The following ADAM21 variants were observed in gnomAD, a reference collection of about 807,000 sequenced individuals.
The protein encoded by ADAM21 is disintegrin and metalloproteinase domain-containing protein 21.
For missense variants in ADAM21, 678 were observed against 874.4 expected (o/e 0.78, Z 2.83); for synonymous variants, 262 against 306.0 (o/e 0.86, Z 1.50).
chr14:70,457,335 A>AT lies in ADAM21; in HGVS notation c.-151-9dup. On this transcript the variant is annotated splice_polypyrimidine_tract_variant and intron_variant, in intron 1 of 1. Coordinates refer to ENST00000603540, the MANE Select transcript of ADAM21 (RefSeq NM_003813.4). ...TATCACCTTTCCAACCCATCTTTTT[A>AT]TTTTTACTTCCAGCACTGCAGTTCT... 9.8e-7 allele frequency: 1 copy of AT among 1,016,666 alleles called. No individual in the cohort carries two copies. The highest frequency in any genetic ancestry group is 1.4e-6 in the Non-Finnish European group (1 of 700,106). The allele number at this position is 1,016,666 out of a possible 1,614,324, so 63.0% of individuals were successfully genotyped here. A position where few individuals can be genotyped will look rare whatever the true frequency, so the allele number is the denominator to read the frequency against.
chr14:70,458,772 G>A lies in ADAM21; in HGVS notation c.1273G>A (p.Val425Ile), dbSNP rs148516219. The A allele has an allele frequency of 1.9e-5, 31 of 1,614,164 alleles. No homozygotes were observed. The highest frequency in any genetic ancestry group is 8.0e-5 in the African/African-American group (6 of 75,032). The change falls in exon 2 of 2, where the codon GTA becomes ATA. Residue 425 changes from valine to isoleucine, a missense_variant. Transcript: ENST00000603540. ...AGAAGAGCAGTGTGACTGTGGATCC[G>A]TACAGCAGTGTGAACAAGACGCCTG... ...EREEQCDCGS[V>I]QQCEQDACCL...
chr14:70,454,970 G>A (rs1454648281), intron 1 of ADAM21, among the ~76,000 whole-genome samples: 5 of 152,210 alleles, frequency 3.3e-5, no homozygotes, highest in African/African-American at 7.2e-5. Flanking sequence ...TCTGGTCCTT[G>A]TGGTGCATGT....
rs371729262 is a variant in ADAM21, at chr14:70,457,619, G to A, written c.120G>A (p.Pro40=). 7.6e-5 allele frequency: 123 copies of A among 1,613,784 alleles called. No individual in the cohort carries two copies. The highest frequency in any genetic ancestry group is 9.9e-5 in the Non-Finnish European group (117 of 1,179,940). ...QAGPSQHFTS[P]EVVIPLKVIS... is the part of the protein sequence containing the mutation. ...GGCCCTCCCAGCATTTCACTTCCCC[G>A]GAAGTGGTGATCCCCTTGAAGGTGA... The change falls in exon 2 of 2, where the codon CCG becomes CCA. Residue 40 remains proline, a synonymous_variant. Transcript: ENST00000603540.
Position 70,459,450 on chromosome 14 carries a change from T to C in ADAM21, c.1951T>C (p.Cys651Arg). ...MKGICNNKHH[C>R]HCGYGWSPPY... Reference sequence around the variant, plus strand: ...GGGGATCTGCAATAACAAACATCACTGCCACTGTGGCTATGGGTGGTCCCC... The same window carrying C: ...GGGGATCTGCAATAACAAACATCACCGCCACTGTGGCTATGGGTGGTCCCC... The change falls in exon 2 of 2, where the codon TGC becomes CGC. Residue 651 changes from cysteine (C) to arginine (R), a missense_variant. By Grantham distance (180) the Cys-to-Arg change is radical. Coordinates refer to ENST00000603540, the MANE Select transcript of ADAM21 (RefSeq NM_003813.4). 1.9e-6 allele frequency: 3 copies of C among 1,614,236 alleles called. No homozygotes were observed. Among genetic ancestry groups the C allele is most frequent in the Middle Eastern group, 3.3e-4 (2 of 6,060 alleles).
rs1353028374 is a variant in ADAM21, at chr14:70,459,020, T to G, written c.1521T>G (p.Cys507Trp). The G allele has an allele frequency of 6.2e-7, 1 of 1,614,028 alleles. No individual in the cohort carries two copies. Among genetic ancestry groups the G allele is most frequent in the Non-Finnish European group, 8.5e-7 (1 of 1,180,008 alleles). ...GTGCCTACTGCTATCAAAAGAGGTG[T>G]AATAACCATGACCAGCATTGCAGGG... The part of the protein sequence containing the change: ...SDSAYCYQKR[C>W]NNHDQHCREI... Residue 507 changes from cysteine (C) to tryptophan (W), a missense_variant, in exon 2 of 2, where the codon TGT becomes TGG. Physicochemically the swap from Cys to Trp is radical, Grantham distance 215. Coordinates refer to ENST00000603540, the MANE Select transcript of ADAM21 (RefSeq NM_003813.4).
rs201084163 is a variant in ADAM21 at position 70,457,902 on chromosome 14, G to A, written c.403G>A (p.Val135Ile). Residue 135 changes from valine to isoleucine, a missense_variant, in exon 2 of 2, where the codon GTA (valine) becomes ATA (isoleucine). Val to Ile is a conservative substitution (Grantham distance 29). Transcript: ENST00000603540. ...TGCTTGTTTTGGGGGCTTTCGAGGAGTATTAAAAATAAGTGGCCTCACTTA... is the reference window on the plus strand; with the variant it reads ...TGCTTGTTTTGGGGGCTTTCGAGGAATATTAAAAATAAGTGGCCTCACTTA... Reference protein sequence around the residue: ...FSACFGGFRGVLKISGLTYEI... With the variant: ...FSACFGGFRGILKISGLTYEI... The A allele has an allele frequency of 1.9e-6, 3 of 1,614,062 alleles. No homozygotes were observed. Among genetic ancestry groups the A allele is most frequent in the Admixed American group, 1.7e-5 (1 of 60,016 alleles).
rs114962922 is a variant in ADAM21, at chr14:70,454,934, T to C, written c.-151-2415T>C. 3.9e-3 allele frequency among the ~76,000 whole-genome samples: 601 copies of C among 152,308 alleles called. 2 individuals carry two copies. Among genetic ancestry groups the C allele is most frequent in the African/African-American group, 0.013 (553 of 41,576 alleles). On this transcript the variant is annotated intron_variant, in intron 1 of 1. Transcript: ENST00000603540. ...TGCAGGATAAATGATTTGGTGTTCATGTTGTGGGCTGTGGAGAACAGGAAC... is the reference window on the plus strand; with the variant it reads ...TGCAGGATAAATGATTTGGTGTTCACGTTGTGGGCTGTGGAGAACAGGAAC...
intron 1 of ADAM21, among the ~76,000 whole-genome samples, chr14:70,454,911 C>T (rs1460930259): frequency 1.3e-5 from 2 of 152,100 alleles, no homozygotes; most frequent in Non-Finnish European, 2.9e-5. Flanking sequence ...TCAGATATTG[C>T]AGGATAAATG....
Position 70,457,935 on chromosome 14 carries a change from G to A in ADAM21, c.436G>A (p.Glu146Lys). Residue 146 changes from glutamate (E) to lysine (K), a missense_variant, in exon 2 of 2, where the codon GAA becomes AAA. By Grantham distance (56) the Glu-to-Lys change is moderately conservative. Transcript: ENST00000603540. The stretch of plus-strand genomic sequence containing the variant: ...AATAAGTGGCCTCACTTATGAAATT[G>A]AACCCATCAGGCACTCTGCCACATT... ...LKISGLTYEI[E>K]PIRHSATFEH... 1 of 1,614,034 alleles carries A rather than the reference G, an allele frequency of 6.2e-7. No individual in the cohort carries two copies.
intron 1 of ADAM21, among the ~76,000 whole-genome samples, chr14:70,454,222 T>C (rs189995105): frequency 1.3e-5 from 2 of 152,314 alleles, no homozygotes; most frequent in African/African-American, 4.8e-5. Context: ...CTCTATTCCT[T>C]AGGCTGGGGA....
rs371868534 is a variant in ADAM21 at position 70,458,330 on chromosome 14, C to T, written c.831C>T (p.Asn277=). The T allele has an allele frequency of 1.7e-5, 27 of 1,613,984 alleles. No homozygotes were observed. Among genetic ancestry groups the T allele is most frequent in the Admixed American group, 3.3e-5 (2 of 60,008 alleles). The change falls in exon 2 of 2, where the codon AAC becomes AAT. Residue 277 remains asparagine, a synonymous_variant. Coordinates refer to ENST00000603540, the MANE Select transcript of ADAM21 (RefSeq NM_003813.4). ...FPMTSIEQVL[N]DFSQWKQISL... is the part of the protein sequence containing the mutation. ...TGACAAGCATAGAACAGGTCCTGAACGATTTCTCTCAATGGAAACAAATCA... is the reference window on the plus strand; with the variant it reads ...TGACAAGCATAGAACAGGTCCTGAATGATTTCTCTCAATGGAAACAAATCA...
rs1398089903 is a variant in ADAM21, at chr14:70,458,326, T to G, written c.827T>G (p.Leu276Arg). Residue 276 changes from leucine (L) to arginine (R), a missense_variant, in exon 2 of 2, where the codon CTG becomes CGG. Leu to Arg is a moderately radical substitution (Grantham distance 102, BLOSUM62 -2). Transcript: ENST00000603540. ...CCAATGACAAGCATAGAACAGGTCC[T>G]GAACGATTTCTCTCAATGGAAACAA... ...VFPMTSIEQV[L>R]NDFSQWKQIS... The G allele has an allele frequency of 1.9e-6, 3 of 1,614,050 alleles. No homozygotes were observed. The East Asian group carries it at 6.7e-5, about 36-fold the overall frequency.
At chr14:70,454,996 A>G (rs1889085897) in intron 1 of ADAM21, among the ~76,000 whole-genome samples, 1 of 152,128 alleles carries the variant, frequency 6.6e-6, no homozygotes, top group African/African-American at 2.4e-5. Context: ...CTGAGGATGG[A>G]GTTTCTCAAG....
chr14:70,458,533 A>G lies in ADAM21; in HGVS notation c.1034A>G (p.His345Arg), dbSNP rs764033725. The stretch of plus-strand genomic sequence containing the variant: ...AACACTGTGGCCCATGAGTTAGGTC[A>G]TACGTTAGGTATGCAGCATGATGAA... ...FANTVAHELGHTLGMQHDEEF... is the reference protein window; with the variant it reads ...FANTVAHELGRTLGMQHDEEF... The change falls in exon 2 of 2, where the codon CAT becomes CGT. Residue 345 changes from histidine to arginine, a missense_variant. Transcript: ENST00000603540. The G allele has an allele frequency of 1.2e-6, 2 of 1,611,750 alleles. No individual in the cohort carries two copies. The highest frequency in any genetic ancestry group is 1.7e-6 in the Non-Finnish European group (2 of 1,178,434).
At position 70,458,773 on chromosome 14, in the gene ADAM21, T is replaced by C. The variant is rs1174057574; in HGVS notation, c.1274T>C (p.Val425Ala). Residue 425 changes from valine (V) to alanine (A), a missense_variant, in exon 2 of 2, where the codon GTA becomes GCA. Physicochemically the swap from Val to Ala is moderately conservative, Grantham distance 64. Transcript: ENST00000603540. Reference protein sequence around the residue: ...EREEQCDCGSVQQCEQDACCL... With the variant: ...EREEQCDCGSAQQCEQDACCL... Reference sequence around the variant, plus strand: ...GAAGAGCAGTGTGACTGTGGATCCGTACAGCAGTGTGAACAAGACGCCTGT... The same window carrying C: ...GAAGAGCAGTGTGACTGTGGATCCGCACAGCAGTGTGAACAAGACGCCTGT... The C allele has an allele frequency of 1.3e-5, 21 of 1,614,188 alleles. No individual in the cohort carries two copies. Among genetic ancestry groups the C allele is most frequent in the Non-Finnish European group, 1.7e-5 (20 of 1,180,036 alleles).
Position 70,459,475 on chromosome 14 carries a change from C to A in ADAM21, c.1976C>A (p.Pro659Gln). 1 of 1,614,222 alleles carries A rather than the reference C, an allele frequency of 6.2e-7. No individual in the cohort carries two copies. The highest frequency in any genetic ancestry group is 1.1e-5 in the South Asian group (1 of 91,088). The change falls in exon 2 of 2, where the codon CCA becomes CAA. Residue 659 changes from proline to glutamine, a missense_variant. Physicochemically the swap from Pro to Gln is moderately conservative, Grantham distance 76. Transcript: ENST00000603540. The part of the protein sequence containing the change: ...HHCHCGYGWS[P>Q]PYCQHRGYGG... The stretch of plus-strand genomic sequence containing the variant: ...TGCCACTGTGGCTATGGGTGGTCCC[C>A]ACCCTACTGCCAGCACAGAGGCTAT...
chr14:70,458,935 G>A lies in ADAM21; in HGVS notation c.1436G>A (p.Gly479Glu). 1.2e-6 allele frequency: 2 copies of A among 1,614,152 alleles called. No homozygotes were observed. The highest frequency in any genetic ancestry group is 4.5e-5 in the East Asian group (2 of 44,880). The change falls in exon 2 of 2, where the codon GGA (glycine) becomes GAA (glutamate). Residue 479 changes from glycine (G) to glutamate (E), a missense_variant. Coordinates refer to ENST00000603540, the MANE Select transcript of ADAM21 (RefSeq NM_003813.4). ...TGTGACCTTCCAGAATGGTGCAATG[G>A]AACATCTCATCAGTGTCCAGAAGAT... ...NECDLPEWCN[G>E]TSHQCPEDRY...
At chr14:70,457,187 T>C (rs1288886642) in intron 1 of ADAM21, among the ~76,000 whole-genome samples, 162 bp from the exon 2 acceptor site, 2 of 152,172 alleles carry the variant, frequency 1.3e-5, no homozygotes, top group Admixed American at 6.5e-5. Flanking sequence ...ACGTGGCCAA[T>C]GTTGTCTCCT....
At position 70,457,529 on chromosome 14, in the gene ADAM21, C is replaced by T. The variant is rs770324400; in HGVS notation, c.30C>T (p.Ile10=). 2.5e-6 allele frequency: 4 copies of T among 1,598,958 alleles called. No homozygotes were observed. The Admixed American group carries it at 6.8e-5, about 27-fold the overall frequency. Residue 10 remains isoleucine, a synonymous_variant, in exon 2 of 2, where the codon ATC becomes ATT. Transcript: ENST00000603540. MAVDGTLVY[I]RVTLLLLWLG... is the part of the protein sequence containing the mutation. ...CAGTGGATGGGACCCTCGTGTACAT[C>T]AGAGTCACTCTTCTGCTGCTCTGGC...
Sources: allele counts gnomAD v4.1 joint callset (sites outside exome capture counted in the v4.1 genomes callset), GRCh38; gene constraint gnomAD v4.1.1; transcripts MANE v1.5; gene names NCBI Gene and HGNC (gene_info 2026-07-23, HGNC 2026-07-21).